The following SEMA7A variants were observed in gnomAD, a reference collection of about 807,000 sequenced individuals.
SEMA7A encodes semaphorin 7A (JohnMiltonHagen blood group), also known as semaphorin-7A.
Under a neutral mutation model 67.5 loss-of-function variants are expected in SEMA7A, and 21 were observed. That is an observed-to-expected ratio of 0.31 (90% CI 0.22 to 0.45). The LOEUF (loss-of-function observed/expected upper bound fraction) is 0.45, where lower values mean the gene tolerates loss of function less well. SEMA7A is among the 20% of genes least tolerant of loss of function. The pLI is 1.00. For missense variants in SEMA7A, 774 were observed against 908.6 expected, an observed-to-expected ratio of 0.85 and a Z score of 1.90; for synonymous variants, 364 against 368.5, an observed-to-expected ratio of 0.99 and a Z score of 0.14.
At chr15:74,413,060 C>T (rs2060915851) in intron 10 of SEMA7A, among the ~76,000 whole-genome samples, 1 of 150,964 alleles carries the variant, frequency 6.6e-6, no homozygotes, top group South Asian at 2.1e-4. Context: ...AGGGCATCAC[C>T]TGCCCCAAAA....
intron 10 of SEMA7A, 75 bp from the exon 11 acceptor site, chr15:74,412,087 A>C: frequency 2.4e-6 from 3 of 1,253,784 alleles, no homozygotes; most frequent in Non-Finnish European, 3.4e-6. Flanking sequence ...TAGGCCGGGG[A>C]GGGGTGGGAA....
In SEMA7A at chr15:74,411,168, A is replaced by C; in HGVS notation, c.1639+127T>G. On this transcript the variant is annotated intron_variant, in intron 13 of 13. Coordinates refer to ENST00000261918, the MANE Select transcript of SEMA7A (RefSeq NM_003612.5). This position sits in a 1 kb window ranked among gnomAD's most constrained non-coding sequence, Gnocchi z 4.4. ...CCACCAAGAGGGCTCCCTCTGCAGGACTGTATCCTGCCCCATGTACCTGGG... is the reference window on the plus strand; with the variant it reads ...CCACCAAGAGGGCTCCCTCTGCAGGCCTGTATCCTGCCCCATGTACCTGGG... 7.5e-7 allele frequency: 1 copy of C among 1,325,672 alleles called. No homozygotes were observed. Among genetic ancestry groups the C allele is most frequent in the Middle Eastern group, 2.2e-4 (1 of 4,568 alleles). The allele number at this position is 1,325,672 out of a possible 1,614,324, so 82.1% of individuals were successfully genotyped here.
At position 74,411,291 on chromosome 15, in the gene SEMA7A, G is replaced by T. The variant is rs753751928; in HGVS notation, c.1639+4C>A. 2 of 1,613,756 alleles carry T rather than the reference G, an allele frequency of 1.2e-6. No individual in the cohort carries two copies. Among genetic ancestry groups the T allele is most frequent in the African/African-American group, 1.3e-5 (1 of 74,906 alleles). The stretch of plus-strand genomic sequence containing the variant: ...ACAGCCGCCAGCAGGGCCAGATCAG[G>T]TACCTGGTTTGGGGTTGGGACACTC... On this transcript the variant is annotated splice_donor_region_variant and intron_variant, in intron 13 of 13. Coordinates refer to ENST00000261918, the MANE Select transcript of SEMA7A (RefSeq NM_003612.5). The surrounding 1 kb of genome is among the most constrained non-coding windows in gnomAD (Gnocchi z 4.4).
In SEMA7A at chr15:74,417,584, G is replaced by T. The variant is rs778739866; in HGVS notation, c.550+7C>A. 1 of 1,611,568 alleles carries T rather than the reference G, an allele frequency of 6.2e-7. No individual in the cohort carries two copies. Among genetic ancestry groups the T allele is most frequent in the Non-Finnish European group, 8.5e-7 (1 of 1,179,030 alleles). ...CCCCTGGGGCGCCTGCTCCAGCACTGCCCTACCTTCAAACAGAACCAGGGA... is the reference window on the plus strand; with the variant it reads ...CCCCTGGGGCGCCTGCTCCAGCACTTCCCTACCTTCAAACAGAACCAGGGA... On this transcript the variant is annotated splice_region_variant and intron_variant, in intron 5 of 13. Coordinates refer to ENST00000261918, the MANE Select transcript of SEMA7A (RefSeq NM_003612.5).
In SEMA7A at chr15:74,414,516, G is replaced by A; in HGVS notation, c.1294+31C>T. On this transcript the variant is annotated intron_variant, in intron 10 of 13. Transcript: ENST00000261918. This position sits in a 1 kb window ranked among gnomAD's most constrained non-coding sequence, Gnocchi z 4.1. Reference sequence around the variant, plus strand: ...CACCTTTCATGCCCGTTTTTACAAAGCAAACTGAGGGTCCCGGGGTAGCCT... The same window carrying A: ...CACCTTTCATGCCCGTTTTTACAAAACAAACTGAGGGTCCCGGGGTAGCCT... The A allele has an allele frequency of 6.2e-7, 1 of 1,603,350 alleles. No individual in the cohort carries two copies. The highest frequency in any genetic ancestry group is 1.3e-5 in the African/African-American group (1 of 74,692).
intron 1 of SEMA7A, among the ~76,000 whole-genome samples, chr15:74,427,995 T>C (rs1286853805): frequency 6.6e-6 from 1 of 152,226 alleles, no homozygotes; most frequent in African/African-American, 2.4e-5. Context: ...CCCAAGCCTC[T>C]GGCTGGAAGC....
chr15:74,411,105 C>A lies in SEMA7A; in HGVS notation c.1640-120G>T. 1 of 1,438,574 alleles carries A rather than the reference C, an allele frequency of 7.0e-7. No homozygotes were observed. The highest frequency in any genetic ancestry group is 2.3e-5 in the East Asian group (1 of 43,406). The allele number at this position is 1,438,574 out of a possible 1,614,324, so 89.1% of individuals were successfully genotyped here. ...TTCTGAATGAACGTGGGGAACCCAGCCCTCAGCGTCCTCCTTTTTTCTCCC... is the reference window on the plus strand; with the variant it reads ...TTCTGAATGAACGTGGGGAACCCAGACCTCAGCGTCCTCCTTTTTTCTCCC... On this transcript the variant is annotated intron_variant, in intron 13 of 13. Transcript: ENST00000261918. This position sits in a 1 kb window ranked among gnomAD's most constrained non-coding sequence, Gnocchi z 4.4.
intron 1 of SEMA7A, among the ~76,000 whole-genome samples, chr15:74,433,225 G>C (rs1435599141): frequency 6.6e-6 from 1 of 151,196 alleles, no homozygotes; most frequent in Non-Finnish European, 1.5e-5. Flanking sequence ...GGGCGGGGGC[G>C]GGGGCAGGCG....
rs547991289 is a variant in SEMA7A, at chr15:74,411,039, A to T, written c.1640-54T>A. ...AGGAGGGACAAAGAGCTCCCAGGGG[A>T]GGATGTGTCCTCCCCACGGACTGGG... On this transcript the variant is annotated intron_variant, in intron 13 of 13. Transcript: ENST00000261918. The surrounding 1 kb of genome is among the most constrained non-coding windows in gnomAD (Gnocchi z 4.4). 1 of 1,569,810 alleles carries T rather than the reference A, an allele frequency of 6.4e-7. No homozygotes were observed. Among genetic ancestry groups the T allele is most frequent in the African/African-American group, 1.3e-5 (1 of 74,192 alleles).
At position 74,423,742 on chromosome 15, in the gene SEMA7A, C is replaced by T. The variant is rs1306536164; in HGVS notation, c.179-4790G>A. Among the ~76,000 whole-genome samples the T allele has an allele frequency of 6.6e-6, 1 of 152,130 alleles. No individual in the cohort carries two copies. Among genetic ancestry groups the T allele is most frequent in the Non-Finnish European group, 1.5e-5 (1 of 68,022 alleles). ...TGACTAATGGTGGAAGTGTAGGTGC[C>T]GTGCATGTCAGAGTGGTAGAGGAAA... is the stretch of plus-strand genomic sequence containing the variant. On this transcript the variant is annotated intron_variant, in intron 1 of 13. Coordinates refer to ENST00000261918, the MANE Select transcript of SEMA7A (RefSeq NM_003612.5). The surrounding 1 kb of genome is among the most constrained non-coding windows in gnomAD (Gnocchi z 4.1).
intron 1 of SEMA7A, among the ~76,000 whole-genome samples, chr15:74,426,680 G>A (rs1396843192): frequency 6.6e-6 from 1 of 152,018 alleles, no homozygotes; most frequent in African/African-American, 2.4e-5. Flanking sequence ...GGAGACCAAG[G>A]CAGAAGGATC....
intron 1 of SEMA7A, among the ~76,000 whole-genome samples, chr15:74,432,299 C>G (rs1033161151): frequency 1.3e-5 from 2 of 152,132 alleles, no homozygotes; most frequent in Non-Finnish European, 2.9e-5. Context: ...TGGGCTGGAG[C>G]TGGGATGGCA....
At chr15:74,418,714 G>A in intron 2 of SEMA7A, 87 bp downstream of exon 2, 1 of 1,471,756 alleles carries the variant, frequency 6.8e-7, no homozygotes, top group Admixed American at 1.9e-5. Flanking sequence ...AGAGAAGCCA[G>A]CTCCCTCGGA....
At chr15:74,433,346 G>A (rs987100865) in intron 1 of SEMA7A, among the ~76,000 whole-genome samples, 5 of 151,948 alleles carry the variant, frequency 3.3e-5, no homozygotes, top group Non-Finnish European at 5.9e-5. Context: ...CAGCTCAAAA[G>A]GAGGGTACCC....
intron 8 of SEMA7A, among the ~76,000 whole-genome samples, 190 bp from the exon 9 acceptor site, chr15:74,415,136 T>C (rs943115432): frequency 5.3e-5 from 8 of 152,274 alleles, no homozygotes; most frequent in African/African-American, 1.9e-4. Flanking sequence ...CAAACTTGTA[T>C]CCTGTTACAG....
In SEMA7A at chr15:74,411,398, T is replaced by C. The variant is rs2141269003; in HGVS notation, c.1578-42A>G. 3.1e-6 allele frequency: 5 copies of C among 1,606,620 alleles called. No homozygotes were observed. The East Asian group carries it at 1.1e-4, about 36-fold the overall frequency. On this transcript the variant is annotated intron_variant, in intron 12 of 13. Coordinates refer to ENST00000261918, the MANE Select transcript of SEMA7A (RefSeq NM_003612.5). The surrounding 1 kb of genome is among the most constrained non-coding windows in gnomAD (Gnocchi z 4.4). The stretch of plus-strand genomic sequence containing the variant: ...GAAAGAGGATCAGCAGATACAAGGC[T>C]GCAGACCTGACCCTCCTATCCTTAC...
intron 8 of SEMA7A, 143 bp downstream of exon 8, chr15:74,415,658 A>T: frequency 1.3e-6 from 1 of 794,178 alleles, no homozygotes; most frequent in Non-Finnish European, 2.0e-6. Context: ...CCCCCACCCC[A>T]CACCCAGCAA....
chr15:74,416,932 G>A (rs899063485), intron 6 of SEMA7A, among the ~76,000 whole-genome samples: 4 of 152,138 alleles, frequency 2.6e-5, no homozygotes, highest in East Asian at 1.9e-4. Flanking sequence ...AGATGTCATC[G>A]GCCCAGGAGC....
chr15:74,422,860 C>T (rs948818744), intron 1 of SEMA7A, among the ~76,000 whole-genome samples: 2 of 152,228 alleles, frequency 1.3e-5, no homozygotes, highest in African/African-American at 4.8e-5. Context: ...GTGCTGTCAC[C>T]GTCTGGCCCG....
Sources: allele counts gnomAD v4.1 joint callset (sites outside exome capture counted in the v4.1 genomes callset), GRCh38; gene constraint gnomAD v4.1.1; non-coding constraint Gnocchi (gnomAD v3.1); transcripts MANE v1.5; gene names NCBI Gene and HGNC (gene_info 2026-07-23, HGNC 2026-07-21).